Variants in KLHL29 observed in about 807,000 individuals in gnomAD.
KLHL29 encodes kelch-like protein 29.
Under a neutral mutation model 80.4 loss-of-function variants are expected in KLHL29, and 21 were observed. That is an observed-to-expected ratio of 0.26 (90% CI 0.19 to 0.38). The LOEUF (loss-of-function observed/expected upper bound fraction) is 0.38. Among genes scored for constraint, KLHL29 ranks in the 10% least tolerant of loss-of-function variants. The probability of loss-of-function intolerance (pLI) is 1.00; values close to 1 mark genes in which losing one functional copy is unlikely to be tolerated. For synonymous variants in KLHL29, 511 were observed against 526.8 expected (o/e 0.97, Z 0.41); for missense variants, 867 against 1,223.9 (o/e 0.71, Z 4.35).
chr2:23,446,785 A>G (rs763976993), intron 1 of KLHL29, among the ~76,000 whole-genome samples: 3 of 152,132 alleles, frequency 2.0e-5, no homozygotes, highest in Non-Finnish European at 2.9e-5. Flanking sequence ...TTTTTAAATT[A>G]TGTGCATCTT....
intron 3 of KLHL29, among the ~76,000 whole-genome samples, chr2:23,633,730 ATC>A (rs1304534132): frequency 7.4e-5 from 8 of 107,486 alleles, no homozygotes; most frequent in Non-Finnish European, 7.4e-5. Context: ...CGCATCTGAC[ATC>A]TCTGTCAAAA....
rs546663840 is a variant in KLHL29 at position 23,490,051 on chromosome 2, C to T, written c.-46+14384C>T. Reference sequence around the variant, plus strand: ...TGATGTTGAATGGAAAGATCATTCACTTATTTCATGAGTGCGCACTGGGGG... The same window carrying T: ...TGATGTTGAATGGAAAGATCATTCATTTATTTCATGAGTGCGCACTGGGGG... On this transcript the variant is annotated intron_variant, in intron 2 of 13. Coordinates refer to ENST00000486442, the MANE Select transcript of KLHL29 (RefSeq NM_052920.2). Among the ~76,000 whole-genome samples, 8 of 152,362 alleles carry T rather than the reference C, an allele frequency of 5.3e-5. No homozygotes were observed. The East Asian group carries it at 1.2e-3, about 22-fold the overall frequency.
chr2:23,645,182 A>G (rs539468368), intron 5 of KLHL29, among the ~76,000 whole-genome samples: 65 of 152,316 alleles, frequency 4.3e-4, no homozygotes, highest in African/African-American at 1.4e-3. Context: ...TGCTGAAGCT[A>G]TAATTTGTCT....
intron 2 of KLHL29, among the ~76,000 whole-genome samples, chr2:23,516,463 C>T (rs76194236): frequency 0.014 from 2,108 of 152,186 alleles, 42 homozygotes; most frequent in African/African-American, 0.048. Context: ...ACAAACTGGA[C>T]GCACTCCTTT....
At chr2:23,428,498 C>G (rs1445979347) in intron 1 of KLHL29, among the ~76,000 whole-genome samples, 1 of 152,156 alleles carries the variant, frequency 6.6e-6, no homozygotes, top group African/African-American at 2.4e-5. Flanking sequence ...CCTACCTGCA[C>G]CAACAATGAC....
intron 2 of KLHL29, among the ~76,000 whole-genome samples, chr2:23,498,520 G>C (rs1665337178): frequency 1.3e-5 from 2 of 152,230 alleles, no homozygotes; most frequent in South Asian, 4.1e-4. Flanking sequence ...AAGCCCCTCT[G>C]CTGAGGCTCA....
chr2:23,457,216 A>G lies in KLHL29; in HGVS notation c.-153-18344A>G, dbSNP rs957731293. Among the ~76,000 whole-genome samples the G allele has an allele frequency of 1.3e-5, 2 of 152,202 alleles. No homozygotes were observed. The highest frequency in any genetic ancestry group is 4.8e-5 in the African/African-American group (2 of 41,452). On this transcript the variant is annotated intron_variant, in intron 1 of 13. Transcript: ENST00000486442. The surrounding 1 kb of genome is among the most constrained non-coding windows in gnomAD (Gnocchi z 4.3). ...AGGGTGCAGAGTAACCCTCACATGC[A>G]CAGTGACTGGTGTAGGATGATGTTT...
chr2:23,637,067 C>A (rs1323770346), intron 3 of KLHL29, among the ~76,000 whole-genome samples: 1 of 152,072 alleles, frequency 6.6e-6, no homozygotes, highest in African/African-American at 2.4e-5. Context: ...GCTGCAACAC[C>A]CCCTCCAGGC....
At chr2:23,436,996 G>T (rs1161784522) in intron 1 of KLHL29, among the ~76,000 whole-genome samples, 1 of 152,184 alleles carries the variant, frequency 6.6e-6, no homozygotes, top group Non-Finnish European at 1.5e-5. Flanking sequence ...ACACCAGAAA[G>T]GAACTGGTTT....
intron 1 of KLHL29, among the ~76,000 whole-genome samples, chr2:23,446,508 A>G (rs989781874): frequency 2.0e-5 from 3 of 152,192 alleles, no homozygotes; most frequent in Admixed American, 6.5e-5. Context: ...TGGCACGTCT[A>G]TTCCTGTGGA....
At chr2:23,529,690 T>A (rs1666433255) in intron 2 of KLHL29, among the ~76,000 whole-genome samples, 1 of 152,140 alleles carries the variant, frequency 6.6e-6, no homozygotes, top group Non-Finnish European at 1.5e-5. Context: ...AGGGCTGGTT[T>A]GGGGAGTAGA....
At chr2:23,489,834 G>A (rs1665044359) in intron 2 of KLHL29, among the ~76,000 whole-genome samples, 2 of 152,200 alleles carry the variant, frequency 1.3e-5, no homozygotes, top group Admixed American at 6.5e-5. Context: ...CCCACACCAA[G>A]GAGGAGGTGC....
At chr2:23,576,915 A>C (rs1435943416) in intron 3 of KLHL29, among the ~76,000 whole-genome samples, 2 of 152,012 alleles carry the variant, frequency 1.3e-5, no homozygotes, top group African/African-American at 4.8e-5. Context: ...ACCCGCGGTC[A>C]GATAGTCAGT....
chr2:23,407,907 T>G (rs926377780), intron 1 of KLHL29, among the ~76,000 whole-genome samples: 6 of 152,022 alleles, frequency 3.9e-5, no homozygotes, highest in East Asian at 1.9e-4. Context: ...TGTTGGGTTT[T>G]TTGTTGTTGT....
At chr2:23,550,904 G>A (rs530013025) in intron 2 of KLHL29, among the ~76,000 whole-genome samples, 4 of 152,346 alleles carry the variant, frequency 2.6e-5, no homozygotes, top group Admixed American at 6.5e-5. Context: ...CCTGAGAGGC[G>A]GCCCTGGGAG....
intron 2 of KLHL29, among the ~76,000 whole-genome samples, chr2:23,559,010 CAGGGGACTGGATGAGAG>C (rs371561909): frequency 6.9e-4 from 105 of 152,136 alleles, no homozygotes; most frequent in African/African-American, 2.3e-3. Flanking sequence ...ACCATTTGCT[CAGGGGACTGGATGAGAG>C]TCTCTCACCT....
intron 3 of KLHL29, among the ~76,000 whole-genome samples, chr2:23,563,296 C>T (rs1010483589): frequency 6.6e-6 from 1 of 152,240 alleles, no homozygotes; most frequent in South Asian, 2.1e-4. Flanking sequence ...CTCGGAGCCC[C>T]TCAGGCAGCC....
chr2:23,666,212 C>T (rs1409578884), intron 5 of KLHL29, among the ~76,000 whole-genome samples: 3 of 152,210 alleles, frequency 2.0e-5, no homozygotes, highest in Admixed American at 1.3e-4. Flanking sequence ...CAAATGATGA[C>T]GGCATCCACA....
intron 3 of KLHL29, among the ~76,000 whole-genome samples, chr2:23,573,098 G>A (rs1667758755): frequency 6.6e-6 from 1 of 152,194 alleles, no homozygotes; most frequent in Non-Finnish European, 1.5e-5. Flanking sequence ...CCCGGATGAT[G>A]AAGCTGTGTC....
Sources: allele counts gnomAD v4.1 joint callset (sites outside exome capture counted in the v4.1 genomes callset), GRCh38; gene constraint gnomAD v4.1.1; non-coding constraint Gnocchi (gnomAD v3.1); transcripts MANE v1.5; gene names NCBI Gene and HGNC (gene_info 2026-07-23, HGNC 2026-07-21).